Variants in TOM1L2 observed in about 807,000 individuals in gnomAD.
The protein encoded by TOM1L2 is target of myb1 like 2 membrane trafficking protein.
Under a neutral mutation model 67.9 loss-of-function variants are expected in TOM1L2, and 31 were observed. That is an observed-to-expected ratio of 0.46 (90% CI 0.34 to 0.62). TOM1L2 has a LOEUF of 0.62. TOM1L2 is among the 20% of genes least tolerant of loss of function. The probability of loss-of-function intolerance (pLI) is 0.01; values close to 1 mark genes in which losing one functional copy is unlikely to be tolerated. For synonymous variants in TOM1L2, 256 were observed against 254.0 expected (o/e 1.01, Z -0.07); for missense variants, 606 against 663.5 (o/e 0.91, Z 0.95).
intron 4 of TOM1L2, among the ~76,000 whole-genome samples, chr17:17,887,292 T>C (rs2038047923): frequency 6.6e-6 from 1 of 152,242 alleles, no homozygotes; most frequent in Non-Finnish European, 1.5e-5. Flanking sequence ...AGAGCAGATA[T>C]TCATGATGGC....
At chr17:17,913,051 G>T (rs28704959) in intron 1 of TOM1L2, among the ~76,000 whole-genome samples, 1 of 151,956 alleles carries the variant, frequency 6.6e-6, no homozygotes, top group African/African-American at 2.4e-5. Context: ...GTCAGGCGTG[G>T]CAGCGGGTGC....
chr17:17,893,675 G>A lies in TOM1L2; in HGVS notation c.352C>T (p.Leu118Phe). Residue 118 changes from leucine (L) to phenylalanine (F), a missense_variant, in exon 4 of 15, where the codon CTT becomes TTT. Leu to Phe is a conservative substitution (Grantham distance 22). Around this residue, in one of 2 missense-constraint regions of TOM1L2, gnomAD observed 543 missense variants for 554.0 expected, o/e 0.98. Coordinates refer to ENST00000379504, the MANE Select transcript of TOM1L2 (RefSeq NM_001082968.2). Reference sequence around the variant, plus strand: ...GTCCAACCTACCTGGATCAGAGCAAGCACTTTGTCCTGTACAATGGTGGGA... The same window carrying A: ...GTCCAACCTACCTGGATCAGAGCAAACACTTTGTCCTGTACAATGGTGGGA... ...NPPTIVQDKVLALIQAWADAF... is the reference protein window; with the variant it reads ...NPPTIVQDKVFALIQAWADAF... 1.2e-6 allele frequency: 2 copies of A among 1,614,022 alleles called. No individual in the cohort carries two copies. Among genetic ancestry groups the A allele is most frequent in the Non-Finnish European group, 1.7e-6 (2 of 1,179,966 alleles).
At chr17:17,962,617 T>G (rs757540054) in intron 1 of TOM1L2, among the ~76,000 whole-genome samples, 5 of 151,406 alleles carry the variant, frequency 3.3e-5, no homozygotes, top group Non-Finnish European at 5.9e-5. Context: ...ACTGGCCCAA[T>G]GTGAATATAT....
chr17:17,896,404 C>CA lies in TOM1L2; in HGVS notation c.216+2191dup, dbSNP rs572107476. On this transcript the variant is annotated intron_variant, in intron 3 of 14. Transcript: ENST00000379504. ...GCAGCCTGGGGCTCCACTCCACTCT[C>CA]AGAGCAACAGTGGCAGGAACCACTG... Among the ~76,000 whole-genome samples, 47 of 152,266 alleles carry CA rather than the reference C, an allele frequency of 3.1e-4. No individual in the cohort carries two copies. The South Asian group carries it at 9.1e-3, about 30-fold the overall frequency.
intron 1 of TOM1L2, among the ~76,000 whole-genome samples, chr17:17,930,359 TA>T (rs746931125): frequency 2.6e-5 from 4 of 151,684 alleles, no homozygotes; most frequent in East Asian, 1.9e-4. Context: ...TGAAAGTGGT[TA>T]AAAAAAAGGG....
chr17:17,944,274 G>A (rs1883242242), intron 1 of TOM1L2, among the ~76,000 whole-genome samples: 2 of 152,218 alleles, frequency 1.3e-5, no homozygotes, highest in Admixed American at 1.3e-4. Context: ...AGGATGCTGA[G>A]CAAAGGGATG....
chr17:17,952,421 T>G (rs1219964874), intron 1 of TOM1L2, among the ~76,000 whole-genome samples: 1 of 138,610 alleles, frequency 7.2e-6, no homozygotes, highest in Non-Finnish European at 1.6e-5. Flanking sequence ...AGACAGGATT[T>G]CACTCTGTTC....
chr17:17,900,691 C>A (rs1196549801), intron 2 of TOM1L2, among the ~76,000 whole-genome samples: 1 of 152,322 alleles, frequency 6.6e-6, no homozygotes, highest in East Asian at 1.9e-4. Context: ...GAGACAGACA[C>A]AAGGCTCCAT....
chr17:17,957,318 T>C (rs2041501201), intron 1 of TOM1L2, among the ~76,000 whole-genome samples: 1 of 152,176 alleles, frequency 6.6e-6, no homozygotes, highest in Non-Finnish European at 1.5e-5. Flanking sequence ...AAACAATGCA[T>C]ATGATTCTTC....
rs1355102574 is a variant in TOM1L2 at position 17,845,832 on chromosome 17, G to A, written c.*1803C>T. The A allele has an allele frequency of 6.6e-6, 1 of 152,572 alleles. No individual in the cohort carries two copies. The highest frequency in any genetic ancestry group is 1.5e-5 in the Non-Finnish European group (1 of 68,278). 9.5% of individuals were successfully genotyped at this position (152,572 alleles called of 1,614,324 possible). ...GCAGGGGCTCATCAAGCATCAGGGA[G>A]CAGAAGGCCCAGGCAGGTGTGGCAT... is the stretch of plus-strand genomic sequence containing the variant. On this transcript the variant is annotated 3_prime_UTR_variant, in exon 15 of 15. Transcript: ENST00000379504.
chr17:17,963,021 T>C lies in TOM1L2; in HGVS notation c.52+9241A>G, dbSNP rs986130458. Reference sequence around the variant, plus strand: ...TTTATCAGGTTTTTTTTTTAAAGAATAAATAGAAACAGGTGCCCTCATGGA... The same window carrying C: ...TTTATCAGGTTTTTTTTTTAAAGAACAAATAGAAACAGGTGCCCTCATGGA... On this transcript the variant is annotated intron_variant, in intron 1 of 14. Coordinates refer to ENST00000379504, the MANE Select transcript of TOM1L2 (RefSeq NM_001082968.2). Among the ~76,000 whole-genome samples, 4 of 151,458 alleles carry C rather than the reference T, an allele frequency of 2.6e-5. No individual in the cohort carries two copies. The East Asian group carries it at 7.8e-4, about 29-fold the overall frequency.
intron 5 of TOM1L2, among the ~76,000 whole-genome samples, chr17:17,883,783 G>A (rs1425915322): frequency 6.6e-6 from 1 of 152,188 alleles, no homozygotes; most frequent in Admixed American, 6.5e-5. Flanking sequence ...GGGTATCTCA[G>A]ATGACCTCTT....
intron 1 of TOM1L2, among the ~76,000 whole-genome samples, chr17:17,925,345 T>A (rs1400913826): frequency 6.6e-6 from 1 of 152,110 alleles, no homozygotes; most frequent in Non-Finnish European, 1.5e-5. Context: ...TGCATATGGA[T>A]AATGCCTGGA....
Position 17,893,752 on chromosome 17 carries a change from C to T in TOM1L2, c.275G>A (p.Arg92Gln), listed in dbSNP as rs905363686. ...GACCAGAACACTGTCGATGAAATCTCGGTTGGCCACAAGGATGTGGAAGCG... is the reference window on the plus strand; with the variant it reads ...GACCAGAACACTGTCGATGAAATCTTGGTTGGCCACAAGGATGTGGAAGCG... ...GHRFHILVAN[R>Q]DFIDSVLVKI... The change falls in exon 4 of 15, where the codon CGA becomes CAA. Residue 92 changes from arginine to glutamine, a missense_variant. Physicochemically the swap from Arg to Gln is conservative, Grantham distance 43. This residue lies in a region of TOM1L2 where 543 missense variants were observed against 554.0 expected (regional missense o/e 0.98). Coordinates refer to ENST00000379504, the MANE Select transcript of TOM1L2 (RefSeq NM_001082968.2). 13 of 1,614,148 alleles carry T rather than the reference C, an allele frequency of 8.1e-6. No homozygotes were observed. Among genetic ancestry groups the T allele is most frequent in the African/African-American group, 2.7e-5 (2 of 75,034 alleles).
At chr17:17,945,350 T>C (rs923097290) in intron 1 of TOM1L2, among the ~76,000 whole-genome samples, 1 of 152,104 alleles carries the variant, frequency 6.6e-6, no homozygotes, top group South Asian at 2.1e-4. Context: ...TAAAAATATA[T>C]ATATGGCTCA....
chr17:17,891,735 A>G (rs1180577469), intron 4 of TOM1L2, among the ~76,000 whole-genome samples: 3 of 151,300 alleles, frequency 2.0e-5, no homozygotes, highest in Non-Finnish European at 4.4e-5. Context: ...CCCCAGAAGG[A>G]AGGGCTGTGG....
intron 1 of TOM1L2, among the ~76,000 whole-genome samples, chr17:17,920,168 G>A (rs2039797488): frequency 6.6e-6 from 1 of 151,822 alleles, no homozygotes; most frequent in African/African-American, 2.4e-5. Flanking sequence ...GAGAGTGCTG[G>A]TGAAAGTGTC....
In TOM1L2 at chr17:17,846,819, C is replaced by T. The variant is rs2035667426; in HGVS notation, c.*816G>A. ...TGCAAGTCCCTCCACAAGCCAGGAC[C>T]AGGTGTGCGGGTGTGAGCCTGCAGT... On this transcript the variant is annotated 3_prime_UTR_variant, in exon 15 of 15. Transcript: ENST00000379504. The T allele has an allele frequency of 6.6e-6, 1 of 152,562 alleles. No individual in the cohort carries two copies. The highest frequency in any genetic ancestry group is 1.5e-5 in the Non-Finnish European group (1 of 68,294). 9.5% of individuals were successfully genotyped at this position (152,562 alleles called of 1,614,324 possible).
intron 11 of TOM1L2, 81 bp downstream of exon 11, chr17:17,862,650 C>A: frequency 8.4e-7 from 1 of 1,188,178 alleles, no homozygotes. Context: ...TAAATAAATG[C>A]CTTTTTGTGC....
Sources: gnomAD v4.1 joint callset for allele counts (sites outside exome capture counted in the v4.1 genomes callset) on GRCh38, gnomAD v4.1.1 for gene constraint, gnomAD v4.1.1 regional missense constraint, MANE v1.5 for transcripts, NCBI Gene and HGNC (gene_info 2026-07-23, HGNC 2026-07-21) for gene names.